Variants in RBFOX1 observed in about 807,000 individuals in gnomAD.
RBFOX1 encodes the protein RNA binding fox-1 homolog 1.
RBFOX1 carries 8 observed loss-of-function variants against 57.7 expected under a neutral mutation model. The ratio of observed to expected loss-of-function variants is 0.14; its 90% CI spans 0.08 to 0.25. The LOEUF is 0.25. Among genes scored for constraint, RBFOX1 ranks in the 10% least tolerant of loss-of-function variants. RBFOX1 has a pLI of 1.00. For missense variants in RBFOX1, 611 were observed against 548.5 expected (o/e 1.11, Z -1.14); for synonymous variants, 326 against 222.4 (o/e 1.47, Z -4.15).
rs200444462 is a variant in RBFOX1, at chr16:7,011,068, A to ATT, written c.-15-40977_-15-40976dup. ...TTGCCTTTTAATTGAAAGCAAATTC[A>ATT]TTTTTTTTTTTTTCCTGGGTGGGAA... On this transcript the variant is annotated intron_variant, in intron 3 of 15. Transcript: ENST00000550418. 2.1e-3 allele frequency among the ~76,000 whole-genome samples: 307 copies of ATT among 145,472 alleles called. 2 individuals carry two copies. The highest frequency in any genetic ancestry group is 6.0e-3 in the African/African-American group (242 of 40,048).
chr16:7,088,789 C>T (rs1212155007), intron 4 of RBFOX1, among the ~76,000 whole-genome samples: 2 of 152,168 alleles, frequency 1.3e-5, no homozygotes, highest in Admixed American at 1.3e-4. Context: ...AGGTTTAGAG[C>T]AGGTGTTCCC....
intron 4 of RBFOX1, among the ~76,000 whole-genome samples, chr16:7,502,812 T>C (rs2071418902): frequency 6.6e-6 from 1 of 152,064 alleles, no homozygotes; most frequent in Admixed American, 6.6e-5. Context: ...TCATCTGAGG[T>C]CAGGGTTTGA....
intron 1 of RBFOX1, among the ~76,000 whole-genome samples, chr16:6,191,122 G>A (rs1156698818): frequency 1.8e-5 from 2 of 108,270 alleles, no homozygotes; most frequent in South Asian, 7.2e-4. Context: ...TGAATAATGC[G>A]TCTGTGGTTT....
intron 3 of RBFOX1, among the ~76,000 whole-genome samples, chr16:5,751,058 G>T (rs1200642041): frequency 6.6e-6 from 1 of 152,146 alleles, no homozygotes; most frequent in Non-Finnish European, 1.5e-5. Flanking sequence ...GACTGGGCTG[G>T]TCTCAAACTT....
At chr16:7,149,787 A>G (rs1236214638) in intron 4 of RBFOX1, among the ~76,000 whole-genome samples, 2 of 152,060 alleles carry the variant, frequency 1.3e-5, no homozygotes, top group East Asian at 1.9e-4. Flanking sequence ...TGACTTTTCC[A>G]TTAAGTAATG....
chr16:6,216,973 A>G (rs1405166114), intron 1 of RBFOX1, among the ~76,000 whole-genome samples: 6 of 151,954 alleles, frequency 3.9e-5, no homozygotes, highest in African/African-American at 1.5e-4. Context: ...GCCCACTTAA[A>G]CTGAAGCCCT....
chr16:6,846,924 A>C lies in RBFOX1; in HGVS notation c.-16+192274A>C, dbSNP rs555062199. On this transcript the variant is annotated intron_variant, in intron 3 of 15. Transcript: ENST00000550418. ...CCTCTAAATTACCCTAGGAAACAAA[A>C]AAAAAAAGAGGTGATGGCTACAGTT... Among the ~76,000 whole-genome samples, 247 of 152,094 alleles carry C rather than the reference A, an allele frequency of 1.6e-3. 1 individual carries two copies. Among genetic ancestry groups the C allele is most frequent in the Non-Finnish European group, 2.1e-3 (142 of 68,004 alleles).
At position 6,700,104 on chromosome 16, in the gene RBFOX1, C is replaced by G. The variant is rs565524424; in HGVS notation, c.-16+45454C>G. Among the ~76,000 whole-genome samples the G allele has an allele frequency of 7.2e-5, 11 of 152,166 alleles. No individual in the cohort carries two copies. The South Asian group carries it at 2.3e-3, about 32-fold the overall frequency. ...CTCACCGTAGCATCCCTGAATAAAC[C>G]AGGTGGGTACCTGGAAATTGTAGAG... On this transcript the variant is annotated intron_variant, in intron 3 of 15. Coordinates refer to ENST00000550418, the MANE Select transcript of RBFOX1 (RefSeq NM_018723.4).
At chr16:7,209,142 A>AAAT (rs60784195) in intron 4 of RBFOX1, among the ~76,000 whole-genome samples, 3,286 of 140,418 alleles carry the variant, frequency 0.023, 51 homozygotes, top group Non-Finnish European at 0.028. Flanking sequence ...CAAAAATACA[A>AAAT]AATAATAATA....
At chr16:5,832,944 T>A (rs1464608717) in intron 3 of RBFOX1, among the ~76,000 whole-genome samples, 1 of 152,198 alleles carries the variant, frequency 6.6e-6, no homozygotes, top group African/African-American at 2.4e-5. Flanking sequence ...GAAAAAGATA[T>A]TCACCAATGG....
At chr16:7,555,290 G>C (rs1231987898) in intron 5 of RBFOX1, among the ~76,000 whole-genome samples, 1 of 152,140 alleles carries the variant, frequency 6.6e-6, no homozygotes, top group East Asian at 1.9e-4. Flanking sequence ...TCCTGTAAAT[G>C]CAACTTGATG....
At chr16:5,909,447 G>C (rs2058558026) in intron 4 of RBFOX1, among the ~76,000 whole-genome samples, 1 of 152,208 alleles carries the variant, frequency 6.6e-6, no homozygotes. Context: ...ATATTTAATA[G>C]ATAAAAGGAG....
intron 1 of RBFOX1, among the ~76,000 whole-genome samples, chr16:6,062,619 AATAT>A (rs1179518952): frequency 7.4e-6 from 1 of 135,560 alleles, no homozygotes; most frequent in African/African-American, 2.8e-5. Context: ...ATAATATATA[AATAT>A]ATATAACATA....
At chr16:6,246,934 G>A (rs771111981) in intron 1 of RBFOX1, among the ~76,000 whole-genome samples, 1 of 152,146 alleles carries the variant, frequency 6.6e-6, no homozygotes, top group Non-Finnish European at 1.5e-5. Flanking sequence ...GCCAGGTGTG[G>A]TGGCAGATGC....
intron 3 of RBFOX1, among the ~76,000 whole-genome samples, chr16:5,795,923 G>T (rs1389398955): frequency 6.6e-6 from 1 of 152,172 alleles, no homozygotes; most frequent in Non-Finnish European, 1.5e-5. Flanking sequence ...CTGGAGATAG[G>T]TCGACAACAC....
rs113829566 is a variant in RBFOX1 at position 5,431,878 on chromosome 16, C to T, written c.220-35338C>T. On this transcript the variant is annotated intron_variant, in intron 1 of 2. Transcript: ENST00000585867. ...CTACAAATTTCCAGAGCTTCCTTCA[C>T]GGAGCGGTACCTTCCCTGCTGAGGA... Among the ~76,000 whole-genome samples the T allele has an allele frequency of 6.9e-3, 1,054 of 152,168 alleles. 9 individuals carry two copies. The highest frequency in any genetic ancestry group is 0.023 in the African/African-American group (958 of 41,510).
chr16:5,947,429 A>G lies in RBFOX1; in HGVS notation c.351+80094A>G, dbSNP rs1329183713. 1.3e-5 allele frequency among the ~76,000 whole-genome samples: 2 copies of G among 152,112 alleles called. No homozygotes were observed. The highest frequency in any genetic ancestry group is 6.5e-5 in the Admixed American group (1 of 15,268). Reference sequence around the variant, plus strand: ...CTCGCTCAGACTGGAGTGCATTGGTATGATCATGGCTCACTACAGCCTCGA... The same window carrying G: ...CTCGCTCAGACTGGAGTGCATTGGTGTGATCATGGCTCACTACAGCCTCGA... On this transcript the variant is annotated intron_variant, in intron 4 of 19. Coordinates refer to the RBFOX1 transcript ENST00000641259. The surrounding 1 kb of genome is among the most constrained non-coding windows in gnomAD (Gnocchi z 7.2).
In RBFOX1 at chr16:7,496,013, C is replaced by T. The variant is rs371762741; in HGVS notation, c.28-22134C>T. On this transcript the variant is annotated intron_variant, in intron 4 of 15. Coordinates refer to ENST00000550418, the MANE Select transcript of RBFOX1 (RefSeq NM_018723.4). ...CATACAGAGAAGAAGCTAATAAGAA[C>T]GTTCCAGAGAGATCCTACAGAACGT... Among the ~76,000 whole-genome samples the T allele has an allele frequency of 2.6e-5, 4 of 152,254 alleles. No homozygotes were observed. In the South Asian group the frequency reaches 6.2e-4, roughly 24 times the overall value.
At chr16:7,671,707 G>C (rs1597740970) in intron 13 of RBFOX1, 1 of 1,026,284 alleles carries the variant, frequency 9.7e-7, no homozygotes, top group Non-Finnish European at 1.5e-6. Flanking sequence ...TCTAACATAG[G>C]AGGAAAGACT....
Sources: gnomAD v4.1 joint callset for allele counts (sites outside exome capture counted in the v4.1 genomes callset) on GRCh38, gnomAD v4.1.1 for gene constraint, Gnocchi (gnomAD v3.1) non-coding constraint, MANE v1.5 for transcripts, NCBI Gene and HGNC (gene_info 2026-07-23, HGNC 2026-07-21) for gene names.